MRTFB: variants seen among roughly 807,000 people sequenced by gnomAD.
The protein encoded by MRTFB is myocardin related transcription factor B, also known as myocardin-related transcription factor B.
MRTFB carries 29 observed loss-of-function variants against 104.2 expected under a neutral mutation model. The ratio of observed to expected loss-of-function variants is 0.28; its 90% CI spans 0.21 to 0.38. The LOEUF is 0.38. Ranked by LOEUF, MRTFB falls within the 10% of genes least tolerant of loss-of-function variation. MRTFB has a pLI of 1.00. For synonymous variants in MRTFB, 535 were observed against 519.5 expected (o/e 1.03, Z -0.41); for missense variants, 1,270 against 1,341.6 (o/e 0.95, Z 0.83).
chr16:14,239,082 G>A (rs776888552), intron 9 of MRTFB, among the ~76,000 whole-genome samples: 13 of 152,260 alleles, frequency 8.5e-5, no homozygotes, highest in Admixed American at 4.6e-4. Flanking sequence ...CCAGCACCCC[G>A]CTGGCTATGT....
rs567320796 is a variant in MRTFB, at chr16:14,074,017, A to T, written c.-129+2652A>T. Among the ~76,000 whole-genome samples the T allele has an allele frequency of 2.0e-5, 3 of 152,282 alleles. No homozygotes were observed. In the East Asian group the frequency reaches 5.8e-4, roughly 29 times the overall value. ...TTATATATGTTACAATGTTACCTAC[A>T]TTGTAACATTATACATTTAACTCTT... is the stretch of plus-strand genomic sequence containing the variant. On this transcript the variant is annotated intron_variant, in intron 1 of 16. Transcript: ENST00000571589.
intron 3 of MRTFB, chr16:14,144,657 T>C (rs1481762554): frequency 6.6e-6 from 1 of 151,978 alleles, no homozygotes; most frequent in African/African-American, 2.4e-5. Context: ...ATGATAAATA[T>C]ATATAATTTT....
intron 8 of MRTFB, among the ~76,000 whole-genome samples, chr16:14,225,476 C>CA (rs1012704872): frequency 2.0e-5 from 3 of 152,026 alleles, no homozygotes; most frequent in Non-Finnish European, 2.9e-5. Flanking sequence ...CCTATGGAAA[C>CA]AAACAAAAAA....
intron 3 of MRTFB, among the ~76,000 whole-genome samples, chr16:14,183,469 T>G (rs764501183): frequency 2.6e-5 from 4 of 152,216 alleles, no homozygotes; most frequent in Admixed American, 6.5e-5. Context: ...GGAACTTGAA[T>G]GCAGATATAT....
chr16:14,245,774 A>G, intron 11 of MRTFB, 114 bp downstream of exon 11: 1 of 1,139,564 alleles, frequency 8.8e-7, no homozygotes, highest in Non-Finnish European at 1.2e-6. Context: ...AACTTTACCA[A>G]CAATATGATA....
chr16:14,198,912 A>T (rs2151098170), intron 3 of MRTFB, among the ~76,000 whole-genome samples: 1 of 152,120 alleles, frequency 6.6e-6, no homozygotes, highest in Non-Finnish European at 1.5e-5. Context: ...TCATTCTCTC[A>T]TTTGTATTCA....
rs187440629 is a variant in MRTFB, at chr16:14,253,880, T to A, written c.2703+1378T>A. Among the ~76,000 whole-genome samples the A allele has an allele frequency of 2.6e-5, 4 of 152,252 alleles. No individual in the cohort carries two copies. In the East Asian group the frequency reaches 7.7e-4, roughly 29 times the overall value. ...GGGTTCAAATATTTGCAATAAGAAG[T>A]CAAACAGGTGGTGCTGGACTACACT... On this transcript the variant is annotated intron_variant, in intron 15 of 16. Coordinates refer to ENST00000571589, the MANE Select transcript of MRTFB (RefSeq NM_001308142.2).
intron 3 of MRTFB, chr16:14,143,635 A>G (rs1455690724): frequency 1.3e-5 from 2 of 151,680 alleles, no homozygotes; most frequent in Non-Finnish European, 2.9e-5. Context: ...AACATTAGAT[A>G]TATCTCCAAA....
At chr16:14,191,468 C>T (rs1023571706) in intron 3 of MRTFB, among the ~76,000 whole-genome samples, 2 of 152,220 alleles carry the variant, frequency 1.3e-5, no homozygotes, top group Non-Finnish European at 2.9e-5. Context: ...CTGTACCATT[C>T]TATGGCATTT....
intron 1 of MRTFB, among the ~76,000 whole-genome samples, chr16:14,075,989 TTCTC>T (rs1327784438): frequency 6.6e-6 from 1 of 152,170 alleles, no homozygotes; most frequent in Non-Finnish European, 1.5e-5. Flanking sequence ...ATTGTCTTGA[TTCTC>T]TCCATAAATA....
chr16:14,220,100 G>A (rs2041618515), intron 8 of MRTFB, among the ~76,000 whole-genome samples: 1 of 152,170 alleles, frequency 6.6e-6, no homozygotes, highest in Admixed American at 6.5e-5. Context: ...AAGTTCACAG[G>A]GCAGGGGTGA....
intron 2 of MRTFB, among the ~76,000 whole-genome samples, chr16:14,111,719 T>G (rs1374812959): frequency 6.6e-6 from 1 of 152,144 alleles, no homozygotes; most frequent in Non-Finnish European, 1.5e-5. Context: ...AGGGAGGTGC[T>G]GAAGCCTCAG....
chr16:14,205,597 T>C (rs2040905446), intron 3 of MRTFB, among the ~76,000 whole-genome samples: 1 of 152,234 alleles, frequency 6.6e-6, no homozygotes, highest in Non-Finnish European at 1.5e-5. Flanking sequence ...TGTTTAGCCT[T>C]TACCTTTTTC....
intron 3 of MRTFB, among the ~76,000 whole-genome samples, chr16:14,201,883 A>G (rs1030508807): frequency 6.6e-6 from 1 of 152,194 alleles, no homozygotes; most frequent in African/African-American, 2.4e-5. Context: ...TCTTAAAGCA[A>G]TCTATGTAAC....
chr16:14,020,752 C>A, the MRTFB span, among the ~76,000 whole-genome samples: 1 of 152,180 alleles, frequency 6.6e-6, no homozygotes. Flanking sequence ...GAGCCCTTAA[C>A]CCTTGTATGC....
intron 2 of MRTFB, among the ~76,000 whole-genome samples, chr16:14,099,920 C>T (rs2035608821): frequency 6.6e-6 from 1 of 152,188 alleles, no homozygotes; most frequent in Non-Finnish European, 1.5e-5. Context: ...CCACCTCGGA[C>T]TCCCAAAGTG....
the MRTFB span, among the ~76,000 whole-genome samples, chr16:13,998,377 A>G: frequency 2.0e-5 from 3 of 152,186 alleles, no homozygotes; most frequent in Non-Finnish European, 4.4e-5. Flanking sequence ...GAAATTGGCC[A>G]GGCACAGTGG....
chr16:14,263,299 C>G lies in MRTFB; in HGVS notation c.*1855C>G, dbSNP rs1328709835. The G allele has an allele frequency of 1.3e-5, 2 of 152,230 alleles. No individual in the cohort carries two copies. Among genetic ancestry groups the G allele is most frequent in the African/African-American group, 4.8e-5 (2 of 41,450 alleles). 9.4% of individuals were successfully genotyped at this position (152,230 alleles called of 1,614,324 possible). A position where few individuals can be genotyped will look rare whatever the true frequency, so the allele number is the denominator to read the frequency against. Reference sequence around the variant, plus strand: ...TTTGACCAAGCCCTACAAGAGTTTACCACACTAGATGTTCTGTGAATCCTC... The same window carrying G: ...TTTGACCAAGCCCTACAAGAGTTTAGCACACTAGATGTTCTGTGAATCCTC... On this transcript the variant is annotated 3_prime_UTR_variant, in exon 17 of 17. Coordinates refer to ENST00000571589, the MANE Select transcript of MRTFB (RefSeq NM_001308142.2).
chr16:14,047,077 T>C, the MRTFB span, among the ~76,000 whole-genome samples: 2 of 152,138 alleles, frequency 1.3e-5, no homozygotes, highest in South Asian at 2.1e-4. Context: ...TCCTGCCTCA[T>C]AGTGCACAGA....
Sources: allele counts gnomAD v4.1 joint callset (sites outside exome capture counted in the v4.1 genomes callset), GRCh38; gene constraint gnomAD v4.1.1; transcripts MANE v1.5; gene names NCBI Gene and HGNC (gene_info 2026-07-23, HGNC 2026-07-21).